The following CNTLN variants were observed in gnomAD, a reference collection of about 807,000 sequenced individuals.
CNTLN encodes the protein centlein, centrosomal protein.
Under a neutral mutation model 180.0 loss-of-function variants are expected in CNTLN, and 212 were observed. The observed-to-expected ratio is 1.18, with a 90% CI of 1.05 to 1.32. The LOEUF is 1.32. CNTLN is among the 40% of genes most tolerant of loss of function. CNTLN has a pLI of 0.00. For missense variants in CNTLN, 2,095 were observed against 1,610.9 expected (o/e 1.30, Z -5.14); for synonymous variants, 722 against 563.1 (o/e 1.28, Z -3.99).
chr9:17,398,266 A>G (rs1351211088), intron 15 of CNTLN, among the ~76,000 whole-genome samples: 2 of 152,214 alleles, frequency 1.3e-5, no homozygotes, highest in Non-Finnish European at 2.9e-5. Context: ...GCCTTATGCT[A>G]GAAGTCAATA....
At chr9:17,428,947 C>G (rs746305105) in intron 18 of CNTLN, among the ~76,000 whole-genome samples, 71 of 151,682 alleles carry the variant, frequency 4.7e-4, no homozygotes, top group Non-Finnish European at 9.3e-4. Flanking sequence ...TTAATTTATT[C>G]CAGCTCATTC....
At chr9:17,384,214 A>G (rs1471261699) in intron 13 of CNTLN, among the ~76,000 whole-genome samples, 1 of 152,010 alleles carries the variant, frequency 6.6e-6, no homozygotes, top group African/African-American at 2.4e-5. Flanking sequence ...GAGTTCATCA[A>G]GTCCCCAGCT....
intron 18 of CNTLN, among the ~76,000 whole-genome samples, chr9:17,435,574 C>G (rs113362581): frequency 9.0e-6 from 1 of 110,498 alleles, no homozygotes; most frequent in African/African-American, 3.4e-5. Context: ...TTTTTTTTTT[C>G]TTTGAGACAG....
In CNTLN at chr9:17,484,405, C is replaced by G; in HGVS notation, c.3966C>G (p.Ala1322=). ...CCTGTAAAACCTCAACCCATAAAGC[C>G]CAGACCTTGGCAGCTTCTATCCTGA... ...RDACKTSTHK[A]QTLAASILNI... The change falls in exon 24 of 26, where the codon GCC becomes GCG. Residue 1322 remains alanine (A), a synonymous_variant. Coordinates refer to ENST00000380647, the MANE Select transcript of CNTLN (RefSeq NM_017738.4). 3.1e-6 allele frequency: 5 copies of G among 1,612,260 alleles called. No individual in the cohort carries two copies. Among genetic ancestry groups the G allele is most frequent in the Non-Finnish European group, 4.2e-6 (5 of 1,179,404 alleles).
intron 8 of CNTLN, among the ~76,000 whole-genome samples, chr9:17,310,365 A>C (rs1819043789): frequency 6.6e-6 from 1 of 152,130 alleles, no homozygotes; most frequent in African/African-American, 2.4e-5. Flanking sequence ...TTGACTCATC[A>C]TTATGTTACT....
At chr9:17,241,109 T>G (rs774409787) in intron 5 of CNTLN, among the ~76,000 whole-genome samples, 1 of 152,110 alleles carries the variant, frequency 6.6e-6, no homozygotes, top group Non-Finnish European at 1.5e-5. Context: ...CCGCCCACCT[T>G]GGCCTCCCAA....
In CNTLN at chr9:17,432,653, A is replaced by G. The variant is rs112068476; in HGVS notation, c.3114+16464A>G. The stretch of plus-strand genomic sequence containing the variant: ...GCAATACTAGAAACCATAAGACAGT[A>G]GAACAGATCTTCAGTGTGTGCTGAA... On this transcript the variant is annotated intron_variant, in intron 18 of 25. Coordinates refer to ENST00000380647, the MANE Select transcript of CNTLN (RefSeq NM_017738.4). Among the ~76,000 whole-genome samples, 164 of 152,290 alleles carry G rather than the reference A, an allele frequency of 1.1e-3. 1 individual carries two copies. Among genetic ancestry groups the G allele is most frequent in the African/African-American group, 3.5e-3 (144 of 41,552 alleles).
intron 8 of CNTLN, among the ~76,000 whole-genome samples, chr9:17,310,553 G>A (rs1041961705): frequency 2.6e-5 from 4 of 152,052 alleles, no homozygotes; most frequent in Non-Finnish European, 5.9e-5. Context: ...GTTTCTTGAC[G>A]TACACGTTCA....
intron 2 of CNTLN, among the ~76,000 whole-genome samples, chr9:17,185,771 T>TTGTG (rs371473319): frequency 0.026 from 3,726 of 143,700 alleles, 128 homozygotes; most frequent in African/African-American, 0.085. Flanking sequence ...TGTTTCCCAT[T>TTGTG]TGTGTGTGTG....
At chr9:17,257,464 T>C (rs1266416195) in intron 5 of CNTLN, among the ~76,000 whole-genome samples, 1 of 152,148 alleles carries the variant, frequency 6.6e-6, no homozygotes, top group Admixed American at 6.6e-5. Context: ...TATAGCAGCA[T>C]GATTTATAGT....
At chr9:17,459,061 T>C (rs1588045323) in intron 19 of CNTLN, among the ~76,000 whole-genome samples, 3 of 151,892 alleles carry the variant, frequency 2.0e-5, no homozygotes, top group Non-Finnish European at 4.4e-5. Context: ...GATTCTGATA[T>C]AACTTTGTTT....
chr9:17,380,435 A>T (rs1167090952), intron 13 of CNTLN, among the ~76,000 whole-genome samples: 1 of 152,194 alleles, frequency 6.6e-6, no homozygotes, highest in East Asian at 1.9e-4. Context: ...AGAGATACAG[A>T]TACGTGTGTA....
chr9:17,312,695 G>C (rs1168947269), intron 8 of CNTLN, among the ~76,000 whole-genome samples: 1 of 151,010 alleles, frequency 6.6e-6, no homozygotes, highest in South Asian at 2.1e-4. Context: ...GAGCCACCAC[G>C]CCAGCCTGTA....
At chr9:17,442,665 C>G (rs1830178173) in intron 18 of CNTLN, among the ~76,000 whole-genome samples, 1 of 152,196 alleles carries the variant, frequency 6.6e-6, no homozygotes, top group South Asian at 2.1e-4. Flanking sequence ...TCTTAAAGTG[C>G]TGGGATTACA....
chr9:17,169,006 T>C (rs971698913), intron 2 of CNTLN, among the ~76,000 whole-genome samples: 1 of 152,204 alleles, frequency 6.6e-6, no homozygotes, highest in Admixed American at 6.5e-5. Context: ...AGAGTCTTTT[T>C]ATTTTTTAAG....
chr9:17,294,320 ATTTTACAGAGAGCCGATTGG>A (rs1045414859), intron 6 of CNTLN, among the ~76,000 whole-genome samples: 5 of 151,946 alleles, frequency 3.3e-5, no homozygotes, highest in Admixed American at 6.6e-5. Flanking sequence ...TGATTGGTCC[ATTTTACAGAGAGCCGATTGG>A]TTTTACAGAG....
At chr9:17,453,078 G>A (rs575110038) in intron 18 of CNTLN, among the ~76,000 whole-genome samples, 28 of 152,240 alleles carry the variant, frequency 1.8e-4, no homozygotes, top group African/African-American at 5.5e-4. Context: ...TTGGGAGGCC[G>A]AGGCGGGAGG....
the CNTLN span, among the ~76,000 whole-genome samples, chr9:17,523,180 A>G: frequency 6.6e-6 from 1 of 152,114 alleles, no homozygotes; most frequent in African/African-American, 2.4e-5. Flanking sequence ...CCTTATAACC[A>G]TAATATTGGT....
intron 2 of CNTLN, among the ~76,000 whole-genome samples, chr9:17,156,132 C>G (rs115522943): frequency 0.02 from 3,027 of 152,266 alleles, 62 homozygotes; most frequent in African/African-American, 0.053. Context: ...CTCACCTTCT[C>G]TGTTGATCTT....
Sources: allele counts gnomAD v4.1 joint callset (sites outside exome capture counted in the v4.1 genomes callset), GRCh38; gene constraint gnomAD v4.1.1; transcripts MANE v1.5; gene names NCBI Gene and HGNC (gene_info 2026-07-23, HGNC 2026-07-21).